Variants in GRK5 observed in about 807,000 individuals in gnomAD.
GRK5 encodes the protein g protein-coupled receptor kinase GRK5.
Under a neutral mutation model 78.4 loss-of-function variants are expected in GRK5, and 40 were observed. That is an observed-to-expected ratio of 0.51 (90% CI 0.40 to 0.66). The LOEUF is 0.66. GRK5 is among the 30% of genes least tolerant of loss of function. The probability of loss-of-function intolerance (pLI) is 0.00; values close to 1 mark genes in which losing one functional copy is unlikely to be tolerated. For synonymous variants in GRK5, 289 were observed against 296.8 expected, an observed-to-expected ratio of 0.97 and a Z score of 0.27; for missense variants, 598 against 759.9, an observed-to-expected ratio of 0.79 and a Z score of 2.50.
At chr10:119,290,359 A>AAAAC (rs1564878559) in intron 1 of GRK5, among the ~76,000 whole-genome samples, 3 of 142,572 alleles carry the variant, frequency 2.1e-5, no homozygotes, top group African/African-American at 8.1e-5. Flanking sequence ...AAAAAAAAAA[A>AAAAC]AAAACAAAAA....
At position 119,396,757 on chromosome 10, in the gene GRK5, G is replaced by C; in HGVS notation, c.324G>C (p.Lys108Asn). ...AGAAAGGGAAGGAAATTATGACCAA[G>C]TACCTCACCCCAAAGGTAAGGAGTC... Reference protein sequence around the residue: ...LGEKGKEIMTKYLTPKSPVFI... With the variant: ...LGEKGKEIMTNYLTPKSPVFI... Residue 108 changes from lysine (K) to asparagine (N), a missense_variant, in exon 4 of 16, where the codon AAG (lysine) becomes AAC (asparagine). Physicochemically the swap from Lys to Asn is moderately conservative, Grantham distance 94. Transcript: ENST00000392870. 6.2e-7 allele frequency: 1 copy of C among 1,613,486 alleles called. No homozygotes were observed. Among genetic ancestry groups the C allele is most frequent in the Non-Finnish European group, 8.5e-7 (1 of 1,179,378 alleles).
intron 1 of GRK5, among the ~76,000 whole-genome samples, chr10:119,292,621 T>C (rs557820958): frequency 1.5e-3 from 227 of 152,300 alleles, no homozygotes; most frequent in African/African-American, 5.2e-3. Flanking sequence ...TTTTCCTAGG[T>C]GTCTGTGAGG....
At position 119,380,894 on chromosome 10, in the gene GRK5, G is replaced by GC. The variant is rs1483134191; in HGVS notation, c.229dup (p.Leu77ProfsTer15). ...GGCAGTTTTGTGAAACCAGGCCTGG[G>GC]CTGGAGTGTTACATTCAGTTCCTGG... On this transcript the variant is annotated frameshift_variant, in exon 3 of 16. Coordinates refer to ENST00000392870, the MANE Select transcript of GRK5 (RefSeq NM_005308.3). LOFTEE classifies it high-confidence loss of function. 1 of 1,613,288 alleles carries GC rather than the reference G, an allele frequency of 6.2e-7. No homozygotes were observed. The highest frequency in any genetic ancestry group is 1.1e-5 in the South Asian group (1 of 91,052).
chr10:119,346,363 T>A (rs1158564059), intron 2 of GRK5, among the ~76,000 whole-genome samples: 1 of 152,232 alleles, frequency 6.6e-6, no homozygotes, highest in Non-Finnish European at 1.5e-5. Context: ...TCTTCACACC[T>A]CCACAGTCTA....
intron 1 of GRK5, among the ~76,000 whole-genome samples, chr10:119,284,910 C>T (rs972088774): frequency 2.6e-5 from 4 of 152,206 alleles, no homozygotes; most frequent in Admixed American, 2.6e-4. Flanking sequence ...CACAGGCATC[C>T]GAGCTCCCCA....
At chr10:119,453,315 C>T (rs201745406) in intron 15 of GRK5, 39 bp downstream of exon 15, 294 of 1,611,604 alleles carry the variant, frequency 1.8e-4, no homozygotes, top group South Asian at 3.0e-4. Flanking sequence ...GCATCAGCTC[C>T]GAGACCCCTG....
At chr10:119,249,080 T>G (rs534020607) in intron 1 of GRK5, among the ~76,000 whole-genome samples, 9 of 152,130 alleles carry the variant, frequency 5.9e-5, no homozygotes, top group African/African-American at 2.2e-4. Context: ...ACCAGCCTGG[T>G]CAACATGGTG....
At chr10:119,398,578 A>G (rs1001583833) in intron 4 of GRK5, among the ~76,000 whole-genome samples, 6 of 152,204 alleles carry the variant, frequency 3.9e-5, no homozygotes, top group Non-Finnish European at 5.9e-5. Flanking sequence ...CTACCCAGTC[A>G]CATGTGTCCC....
intron 4 of GRK5, among the ~76,000 whole-genome samples, chr10:119,407,405 C>G (rs552687493): frequency 1.3e-5 from 2 of 152,194 alleles, no homozygotes; most frequent in Admixed American, 6.5e-5. Context: ...TGGGGATGGC[C>G]GGCAGCTGGG....
chr10:119,331,182 G>A (rs2133770274), intron 2 of GRK5, among the ~76,000 whole-genome samples: 1 of 152,350 alleles, frequency 6.6e-6, no homozygotes, highest in South Asian at 2.1e-4. Context: ...TCCATAAACT[G>A]GCCTCTTGGC....
intron 1 of GRK5, among the ~76,000 whole-genome samples, chr10:119,286,172 ATGT>A (rs1358438849): frequency 2.0e-5 from 3 of 152,328 alleles, no homozygotes; most frequent in African/African-American, 7.2e-5. Flanking sequence ...AGCGTTTCAA[ATGT>A]ACTCAAAAAA....
At chr10:119,446,799 C>A (rs903574809) in intron 12 of GRK5, among the ~76,000 whole-genome samples, 17 of 152,198 alleles carry the variant, frequency 1.1e-4, no homozygotes, top group African/African-American at 4.1e-4. Flanking sequence ...GGGGGCAGCC[C>A]CCTCCAGACC....
At chr10:119,370,369 A>G (rs1346588406) in intron 2 of GRK5, among the ~76,000 whole-genome samples, 1 of 152,210 alleles carries the variant, frequency 6.6e-6, no homozygotes, top group Non-Finnish European at 1.5e-5. Flanking sequence ...CCACAGAAAC[A>G]TGTGACAAGC....
intron 1 of GRK5, among the ~76,000 whole-genome samples, chr10:119,314,961 G>A (rs1850458686): frequency 2.0e-5 from 3 of 152,192 alleles, no homozygotes; most frequent in Admixed American, 6.5e-5. Flanking sequence ...GAGACAGAAC[G>A]AGACCCTTGG....
intron 1 of GRK5, among the ~76,000 whole-genome samples, chr10:119,231,699 T>C (rs1438100160): frequency 1.4e-5 from 2 of 141,546 alleles, no homozygotes; most frequent in Admixed American, 1.4e-4. Context: ...AGAGCAAGAC[T>C]CTGCCTCAAA....
rs1205898739 is a variant in GRK5 at position 119,456,965 on chromosome 10, C to A, written c.*1898C>A. On this transcript the variant is annotated 3_prime_UTR_variant, in exon 16 of 16. Transcript: ENST00000392870. This position sits in a 1 kb window ranked among gnomAD's most constrained non-coding sequence, Gnocchi z 5.5. ...AAATGGGGGAGAAGAAATAGCTGGG[C>A]TTCCCTCAAATCTTTTTAATGTGCA... is the stretch of plus-strand genomic sequence containing the variant. The A allele has an allele frequency of 6.6e-6, 1 of 152,108 alleles. No individual in the cohort carries two copies. The highest frequency in any genetic ancestry group is 2.4e-5 in the African/African-American group (1 of 41,410). The allele number at this position is 152,108 out of a possible 1,614,324, so 9.4% of individuals were successfully genotyped here. A position where few individuals can be genotyped will look rare whatever the true frequency, so the allele number is the denominator to read the frequency against.
intron 1 of GRK5, among the ~76,000 whole-genome samples, chr10:119,240,189 C>CTTTTTTTTTTTTT (rs55905745): frequency 1.4e-5 from 1 of 70,112 alleles, no homozygotes; most frequent in African/African-American, 6.2e-5. Flanking sequence ...TGTTTCCCGA[C>CTTTTTTTTTTTTT]TTTTTTTTTT....
chr10:119,280,553 T>C (rs891841602), intron 1 of GRK5, among the ~76,000 whole-genome samples: 1 of 152,192 alleles, frequency 6.6e-6, no homozygotes, highest in Non-Finnish European at 1.5e-5. Context: ...TATTCTTTTA[T>C]TGTTATTTTA....
At chr10:119,394,261 TGTGTGTGTGTGGGC>T (rs1291633798) in intron 3 of GRK5, among the ~76,000 whole-genome samples, 1 of 8,094 alleles carries the variant, frequency 1.2e-4, no homozygotes, top group Non-Finnish European at 2.8e-4. Context: ...TGGATGTATC[TGTGTGTGTGTGGGC>T]GTGTGTGTGG....
Sources: allele counts gnomAD v4.1 joint callset (sites outside exome capture counted in the v4.1 genomes callset), GRCh38; gene constraint gnomAD v4.1.1; non-coding constraint Gnocchi (gnomAD v3.1); transcripts MANE v1.5; gene names NCBI Gene and HGNC (gene_info 2026-07-23, HGNC 2026-07-21).